SRD5A3: variants seen among roughly 807,000 people sequenced by gnomAD.
The protein encoded by SRD5A3 is steroid 5 alpha-reductase 3, also known as polyprenal reductase.
In SRD5A3, 24 loss-of-function variants were observed where a neutral mutation model predicts 34.3. The observed-to-expected ratio is 0.70, with a 90% CI of 0.51 to 0.99. The LOEUF (loss-of-function observed/expected upper bound fraction) is 0.99. Among genes scored for constraint, SRD5A3 ranks in the 50% least tolerant of loss-of-function variants. SRD5A3 has a pLI of 0.00. For missense variants in SRD5A3, 350 were observed against 388.2 expected, an observed-to-expected ratio of 0.90 and a Z score of 0.83; for synonymous variants, 161 against 167.3, an observed-to-expected ratio of 0.96 and a Z score of 0.29.
At chr4:55,352,010 G>T in intron 1 of SRD5A3, 1 of 765,082 alleles carries the variant, frequency 1.3e-6, no homozygotes, top group South Asian at 1.3e-5. Flanking sequence ...GTGTGTACAT[G>T]GTAATCCTTC....
At chr4:55,346,848 G>A (rs1204226031) in intron 1 of SRD5A3, among the ~76,000 whole-genome samples, 2 of 152,228 alleles carry the variant, frequency 1.3e-5, no homozygotes, top group Non-Finnish European at 1.5e-5. Flanking sequence ...TTTCCCTGTG[G>A]GAAATGGCAA....
chr4:55,358,529 C>T (rs1195529087), intron 1 of SRD5A3, among the ~76,000 whole-genome samples: 5 of 70,298 alleles, frequency 7.1e-5, no homozygotes, highest in African/African-American at 2.8e-4. Flanking sequence ...CAGCAAGACC[C>T]TGTCTCAAAA....
In SRD5A3 at chr4:55,346,463, T is replaced by TGCGC. The variant is rs1272090524; in HGVS notation, c.129_132dup (p.Ile45ArgfsTer27). 1 of 1,607,920 alleles carries TGCGC rather than the reference T, an allele frequency of 6.2e-7. No homozygotes were observed. Among genetic ancestry groups the TGCGC allele is most frequent in the Non-Finnish European group, 8.5e-7 (1 of 1,177,736 alleles). On this transcript the variant is annotated frameshift_variant, in exon 1 of 5. Transcript: ENST00000264228. LOFTEE classifies it high-confidence loss of function. ...CCTGCCGCCCGGCCTGCTCCCGGGC[T>TGCGC]GCGCGATCTTCCAGGACCTGATCCG...
At chr4:55,365,645 A>G (rs1719863585) in intron 3 of SRD5A3, 2 of 152,196 alleles carry the variant, frequency 1.3e-5, no homozygotes, top group Non-Finnish European at 2.9e-5. Flanking sequence ...GCTGCGTCTC[A>G]ACTTCTGCCT....
Position 55,346,627 on chromosome 4 carries a change from C to CA in SRD5A3, c.221+71dup, listed in dbSNP as rs1218083823. On this transcript the variant is annotated intron_variant, in intron 1 of 4. Coordinates refer to ENST00000264228, the MANE Select transcript of SRD5A3 (RefSeq NM_024592.5). ...AGTTCGGGGCGCCCCGGCTCGCGGG[C>CA]AGCCAGCAGGGGGCAGCAGAGGCGG... is the stretch of plus-strand genomic sequence containing the variant. The CA allele has an allele frequency of 2.1e-5, 29 of 1,413,272 alleles. No homozygotes were observed. In the South Asian group the frequency reaches 4.0e-4, roughly 19 times the overall value. The allele number at this position is 1,413,272 out of a possible 1,614,324, so 87.5% of individuals were successfully genotyped here. A position where few individuals can be genotyped will look rare whatever the true frequency, so the allele number is the denominator to read the frequency against.
Position 55,370,197 on chromosome 4 carries a change from T to C in SRD5A3, c.*106T>C. The stretch of plus-strand genomic sequence containing the variant: ...GTTTCAGCAAAGCTGTTTGAAACTC[T>C]CCATTCCATTTCTATACCCCACAAG... On this transcript the variant is annotated 3_prime_UTR_variant, in exon 5 of 5. Transcript: ENST00000264228. The C allele has an allele frequency of 6.8e-7, 1 of 1,474,292 alleles. No individual in the cohort carries two copies. The highest frequency in any genetic ancestry group is 9.4e-7 in the Non-Finnish European group (1 of 1,067,228). The allele number at this position is 1,474,292 out of a possible 1,614,324, so 91.3% of individuals were successfully genotyped here.
intron 3 of SRD5A3, chr4:55,364,555 T>TAA (rs111821375): frequency 4.1e-5 from 14 of 338,972 alleles, no homozygotes; most frequent in African/African-American, 2.0e-4. Flanking sequence ...TACTAAAAAT[T>TAA]AAAAAAAAAA....
intron 3 of SRD5A3, among the ~76,000 whole-genome samples, chr4:55,365,073 G>A (rs893548631): frequency 2.0e-5 from 3 of 152,126 alleles, no homozygotes; most frequent in African/African-American, 4.8e-5. Flanking sequence ...AATTCAAGTC[G>A]CTTGGGGTGA....
intron 4 of SRD5A3, 66 bp downstream of exon 4, chr4:55,367,788 T>C (rs1719960956): frequency 6.2e-7 from 1 of 1,600,114 alleles, no homozygotes; most frequent in African/African-American, 1.3e-5. Context: ...TCCATGGTCC[T>C]GCATGCTTTT....
At chr4:55,356,256 A>C (rs904477240) in intron 1 of SRD5A3, among the ~76,000 whole-genome samples, 3 of 151,756 alleles carry the variant, frequency 2.0e-5, no homozygotes, top group Non-Finnish European at 1.5e-5. Context: ...TAATCCGCCC[A>C]CCTCAGCCTC....
intron 1 of SRD5A3, among the ~76,000 whole-genome samples, chr4:55,357,482 T>C (rs535399192): frequency 6.6e-6 from 1 of 152,340 alleles, no homozygotes; most frequent in East Asian, 1.9e-4. Context: ...GTGGGAAGTG[T>C]GTCTTAAGGA....
chr4:55,354,390 C>T (rs754069750), intron 1 of SRD5A3, among the ~76,000 whole-genome samples: 3 of 152,138 alleles, frequency 2.0e-5, no homozygotes, highest in Non-Finnish European at 2.9e-5. Flanking sequence ...GCACCGCGCT[C>T]GGCCAGCAAA....
chr4:55,354,307 A>G (rs1036513760), intron 1 of SRD5A3, among the ~76,000 whole-genome samples: 1 of 152,192 alleles, frequency 6.6e-6, no homozygotes, highest in Non-Finnish European at 1.5e-5. Flanking sequence ...CATGTTGGCC[A>G]GGCTGGTCTT....
intron 2 of SRD5A3, among the ~76,000 whole-genome samples, chr4:55,362,817 C>T (rs1280945970): frequency 3.5e-5 from 5 of 144,554 alleles, no homozygotes; most frequent in African/African-American, 1.0e-4. Context: ...GGTGTGCATG[C>T]GTGTGTGTGT....
intron 3 of SRD5A3, chr4:55,367,276 G>C: frequency 4.4e-6 from 2 of 451,438 alleles, no homozygotes; most frequent in Non-Finnish European, 8.1e-6. Context: ...TGCTTGAACT[G>C]TTTAGAGAAG....
chr4:55,356,628 AT>A (rs1719471576), intron 1 of SRD5A3, among the ~76,000 whole-genome samples: 1 of 151,886 alleles, frequency 6.6e-6, no homozygotes, highest in Non-Finnish European at 1.5e-5. Flanking sequence ...CACCCAGCTA[AT>A]TTTTTTATTT....
intron 1 of SRD5A3, among the ~76,000 whole-genome samples, chr4:55,350,923 C>T (rs1006256061): frequency 6.6e-6 from 1 of 151,568 alleles, no homozygotes; most frequent in African/African-American, 2.4e-5. Flanking sequence ...ACACCACACC[C>T]AGCTAATTTT....
At chr4:55,357,805 C>G (rs1719526918) in intron 1 of SRD5A3, among the ~76,000 whole-genome samples, 1 of 152,210 alleles carries the variant, frequency 6.6e-6, no homozygotes, top group Admixed American at 6.5e-5. Context: ...CTCCTGGCCT[C>G]AAGGGATCCT....
chr4:55,367,361 C>G (rs971681175), intron 3 of SRD5A3, among the ~76,000 whole-genome samples: 1 of 152,134 alleles, frequency 6.6e-6, no homozygotes, highest in South Asian at 2.1e-4. Flanking sequence ...GAACGTATCT[C>G]CTTTGTCCAG....
Sources: allele counts gnomAD v4.1 joint callset (sites outside exome capture counted in the v4.1 genomes callset), GRCh38; gene constraint gnomAD v4.1.1; transcripts MANE v1.5; gene names NCBI Gene and HGNC (gene_info 2026-07-23, HGNC 2026-07-21).